The following TULP4 variants were observed in gnomAD, a reference collection of about 807,000 sequenced individuals.
TULP4 encodes tubby-related protein 4.
In TULP4, 16 loss-of-function variants were observed where a neutral mutation model predicts 129.0. That is an observed-to-expected ratio of 0.12 (90% confidence interval 0.08 to 0.19). The LOEUF (loss-of-function observed/expected upper bound fraction) is 0.19. Ranked by LOEUF, TULP4 falls within the 10% of genes least tolerant of loss-of-function variation. The pLI, the probability that TULP4 is intolerant of heterozygous loss-of-function variation, is 1.00. For missense variants in TULP4, 1,842 were observed against 2,059.1 expected (o/e 0.89, Z 2.04); for synonymous variants, 998 against 854.0 (o/e 1.17, Z -2.94).
intron 1 of TULP4, among the ~76,000 whole-genome samples, chr6:158,302,889 C>G (rs1241898090): frequency 6.6e-6 from 1 of 151,750 alleles, no homozygotes; most frequent in African/African-American, 2.4e-5. Context: ...TGAATTTTAC[C>G]CTTTTGACCC....
chr6:158,501,873 C>G lies in TULP4; in HGVS notation c.2210C>G (p.Ala737Gly), dbSNP rs542351754. 13 of 1,614,150 alleles carry G rather than the reference C, an allele frequency of 8.1e-6. No homozygotes were observed. The highest frequency in any genetic ancestry group is 1.6e-4 in the Middle Eastern group (1 of 6,062). The change falls in exon 13 of 14, where the codon GCA becomes GGA. Residue 737 changes from alanine (A) to glycine (G), a missense_variant. Transcript: ENST00000367097. Reference protein sequence around the residue: ...QTTAVGTAEHAGDSATQYPVS... With the variant: ...QTTAVGTAEHGGDSATQYPVS... ...ACAGCTGTAGGGACAGCAGAACATGCAGGTGACAGTGCCACCCAGTACCCA... is the reference window on the plus strand; with the variant it reads ...ACAGCTGTAGGGACAGCAGAACATGGAGGTGACAGTGCCACCCAGTACCCA...
At chr6:158,418,355 G>A (rs961417129) in intron 2 of TULP4, among the ~76,000 whole-genome samples, 7 of 149,074 alleles carry the variant, frequency 4.7e-5, no homozygotes, top group African/African-American at 1.2e-4. Flanking sequence ...TGATCCACCC[G>A]TCTTGGCCTC....
Position 158,481,090 on chromosome 6 carries a change from T to C in TULP4, c.1287T>C (p.Phe429=), listed in dbSNP as rs773547489. Residue 429 remains phenylalanine, a synonymous_variant, in exon 8 of 14, where the codon TTT becomes TTC. Coordinates refer to ENST00000367097, the MANE Select transcript of TULP4 (RefSeq NM_020245.5). ...CAGATCCGAACAACATGAGAGACTT[T>C]GTCAGCTACCCATCAGCCGGCAACG... ...PIPDPNNMRD[F]VSYPSAGNER... 6.3e-6 allele frequency: 10 copies of C among 1,593,938 alleles called. No homozygotes were observed. In the Admixed American group the frequency reaches 1.0e-4, roughly 16 times the overall value.
At chr6:158,363,151 C>T (rs748759482) in intron 1 of TULP4, among the ~76,000 whole-genome samples, 6 of 151,730 alleles carry the variant, frequency 4.0e-5, no homozygotes, top group African/African-American at 7.3e-5. Flanking sequence ...CTAATACTTC[C>T]TTTATTCCCT....
chr6:158,361,461 A>G (rs1293985057), intron 1 of TULP4, among the ~76,000 whole-genome samples: 1 of 152,198 alleles, frequency 6.6e-6, no homozygotes, highest in African/African-American at 2.4e-5. Flanking sequence ...CCTGAAAGAG[A>G]ATCTCAAAAG....
chr6:158,304,093 T>C (rs1294174594), intron 1 of TULP4, among the ~76,000 whole-genome samples: 1 of 152,310 alleles, frequency 6.6e-6, no homozygotes, highest in African/African-American at 2.4e-5. Flanking sequence ...GGGCCTTGTG[T>C]ATAATATTAA....
At chr6:158,465,798 C>A (rs184371217) in intron 6 of TULP4, among the ~76,000 whole-genome samples, 2 of 152,088 alleles carry the variant, frequency 1.3e-5, no homozygotes, top group Non-Finnish European at 2.9e-5. Context: ...TACGTTGGCT[C>A]AGCTTGAAAA....
chr6:158,240,818 G>A (rs112886927), intron 1 of TULP4, among the ~76,000 whole-genome samples: 43,380 of 141,170 alleles, frequency 0.31, 7,842 homozygotes, highest in Admixed American at 0.43. Context: ...CCTCCCTCCC[G>A]GATGGCATGG....
intron 5 of TULP4, among the ~76,000 whole-genome samples, chr6:158,453,496 A>AAAAAAAAAAAAAAAAAAAAAC (rs1779212734): frequency 7.0e-6 from 1 of 143,542 alleles, no homozygotes; most frequent in African/African-American, 2.7e-5. Flanking sequence ...AAAAAAAAAA[A>AAAAAAAAAAAAAAAAAAAAAC]AAAAAAAAAA....
At chr6:158,289,606 C>T (rs1199459077) in intron 1 of TULP4, among the ~76,000 whole-genome samples, 3 of 152,002 alleles carry the variant, frequency 2.0e-5, no homozygotes, top group Non-Finnish European at 1.5e-5. Flanking sequence ...TTTGAGACAG[C>T]GTCTCATTTT....
At chr6:158,408,366 G>A (rs1367712786) in intron 1 of TULP4, among the ~76,000 whole-genome samples, 1 of 152,166 alleles carries the variant, frequency 6.6e-6, no homozygotes, top group Admixed American at 6.5e-5. Context: ...TGGAAAGGGA[G>A]ATTACCTTTC....
intron 3 of TULP4, 46 bp from the exon 4 acceptor site, chr6:158,448,950 T>C (rs375453492): frequency 6.4e-7 from 1 of 1,556,032 alleles, no homozygotes; most frequent in African/African-American, 1.4e-5. Context: ...TGCCAGAAAC[T>C]GGCCCTTGCT....
chr6:158,271,618 T>TG (rs930167704), intron 1 of TULP4, among the ~76,000 whole-genome samples: 5 of 151,940 alleles, frequency 3.3e-5, no homozygotes, highest in African/African-American at 1.2e-4. Context: ...TTTGTAGAGA[T>TG]GGGGTCTCAC....
At chr6:158,334,147 A>G (rs1277731630) in intron 1 of TULP4, among the ~76,000 whole-genome samples, 2 of 152,218 alleles carry the variant, frequency 1.3e-5, no homozygotes, top group Non-Finnish European at 2.9e-5. Flanking sequence ...GTTTCGTGCA[A>G]TACTGTAAAC....
At chr6:158,434,321 TA>T (rs1181496485) in intron 3 of TULP4, among the ~76,000 whole-genome samples, 1 of 152,250 alleles carries the variant, frequency 6.6e-6, no homozygotes, top group African/African-American at 2.4e-5. Flanking sequence ...GAAATAGTGA[TA>T]TAAACTCAGC....
chr6:158,397,210 C>G (rs1205618851), intron 1 of TULP4, among the ~76,000 whole-genome samples: 1 of 152,224 alleles, frequency 6.6e-6, no homozygotes, highest in Non-Finnish European at 1.5e-5. Context: ...GCCAGGGTCA[C>G]AGGTACCTGC....
chr6:158,360,707 C>T (rs1780766082), intron 1 of TULP4, among the ~76,000 whole-genome samples: 1 of 152,058 alleles, frequency 6.6e-6, no homozygotes. Flanking sequence ...AAGAATAATC[C>T]CACAGGCTCT....
intron 6 of TULP4, among the ~76,000 whole-genome samples, chr6:158,477,167 G>A (rs1430148485): frequency 6.6e-6 from 1 of 152,098 alleles, no homozygotes; most frequent in Non-Finnish European, 1.5e-5. Context: ...CTAGTTGAAG[G>A]TCTGTGTGAG....
intron 1 of TULP4, among the ~76,000 whole-genome samples, chr6:158,376,514 A>G (rs827989): frequency 0.73 from 110,578 of 152,150 alleles, 40,885 homozygotes; most frequent in African/African-American, 0.79. Flanking sequence ...AAGTCACACA[A>G]CATCTCCTCC....
Sources: gnomAD v4.1 joint callset for allele counts (sites outside exome capture counted in the v4.1 genomes callset) on GRCh38, gnomAD v4.1.1 for gene constraint, MANE v1.5 for transcripts, NCBI Gene and HGNC (gene_info 2026-07-23, HGNC 2026-07-21) for gene names.